The following PDS5B variants were observed in gnomAD, a reference collection of about 807,000 sequenced individuals.
PDS5B encodes PDS5 cohesin associated factor B.
PDS5B carries 51 observed loss-of-function variants against 184.1 expected under a neutral mutation model. That is an observed-to-expected ratio of 0.28 (90% CI 0.22 to 0.35). The LOEUF (loss-of-function observed/expected upper bound fraction) is 0.35. PDS5B is among the 10% of genes least tolerant of loss of function. The pLI is 1.00. For synonymous variants in PDS5B, 566 were observed against 569.2 expected, an observed-to-expected ratio of 0.99 and a Z score of 0.08; for missense variants, 1,180 against 1,723.3, an observed-to-expected ratio of 0.68 and a Z score of 5.58.
At position 32,746,064 on chromosome 13, in the gene PDS5B, A is replaced by T. The variant is rs1402030673; in HGVS notation, c.2700A>T (p.Thr900=). ...AACCCTGTTACCATGAAATCATCAC[A>T]TTAGAACAATATCAGCTATGTGCAT... ...AQEPCYHEII[T]LEQYQLCALA... The change falls in exon 24 of 35, where the codon ACA becomes ACT. Residue 900 remains threonine, a synonymous_variant. Coordinates refer to ENST00000315596, the MANE Select transcript of PDS5B (RefSeq NM_015032.4). 2 of 1,613,660 alleles carry T rather than the reference A, an allele frequency of 1.2e-6. No individual in the cohort carries two copies. The highest frequency in any genetic ancestry group is 1.7e-6 in the Non-Finnish European group (2 of 1,179,574).
At chr13:32,659,496 G>C (rs1008033786) in intron 6 of PDS5B, among the ~76,000 whole-genome samples, 6 of 152,118 alleles carry the variant, frequency 3.9e-5, no homozygotes. Context: ...TAACATATTT[G>C]TTATAATTCA....
intron 15 of PDS5B, among the ~76,000 whole-genome samples, chr13:32,699,269 A>G (rs1426588727): frequency 6.6e-6 from 1 of 152,172 alleles, no homozygotes; most frequent in African/African-American, 2.4e-5. Context: ...AGTATATATC[A>G]CTGCTAGATA....
chr13:32,738,245 T>C (rs1242538103), intron 21 of PDS5B, among the ~76,000 whole-genome samples: 1 of 152,234 alleles, frequency 6.6e-6, no homozygotes, highest in Non-Finnish European at 1.5e-5. Context: ...ACGAGTGAAG[T>C]TGATGAATCA....
chr13:32,609,730 C>G (rs537704123), intron 1 of PDS5B, among the ~76,000 whole-genome samples: 1 of 152,232 alleles, frequency 6.6e-6, no homozygotes, highest in Admixed American at 6.5e-5. Context: ...TCACTCTAGT[C>G]AGTTCTGTAA....
chr13:32,775,115 T>A lies in PDS5B; in HGVS notation c.*63T>A. ...GAAAAATCTTTTTTTTTTTTTTTGG[T>A]CAAGCTTGAGGCTGAATAAAGCCTT... is the stretch of plus-strand genomic sequence containing the variant. On this transcript the variant is annotated 3_prime_UTR_variant, in exon 35 of 35. Coordinates refer to ENST00000315596, the MANE Select transcript of PDS5B (RefSeq NM_015032.4). 1 of 1,443,958 alleles carries A rather than the reference T, an allele frequency of 6.9e-7. No homozygotes were observed. The highest frequency in any genetic ancestry group is 9.6e-7 in the Non-Finnish European group (1 of 1,045,148). The allele number at this position is 1,443,958 out of a possible 1,614,324, so 89.4% of individuals were successfully genotyped here.
At chr13:32,641,225 A>G (rs972972996) in intron 1 of PDS5B, among the ~76,000 whole-genome samples, 1 of 152,174 alleles carries the variant, frequency 6.6e-6, no homozygotes, top group Non-Finnish European at 1.5e-5. Context: ...GATGAAAGGA[A>G]CTATTATATG....
At chr13:32,655,374 A>ATATATATATATATATAT in intron 3 of PDS5B, among the ~76,000 whole-genome samples, 10 of 72,464 alleles carry the variant, frequency 1.4e-4, no homozygotes, top group African/African-American at 8.3e-4. Flanking sequence ...ATATATATAT[A>ATATATATATATATATAT]TTTTTTTTTT....
intron 11 of PDS5B, among the ~76,000 whole-genome samples, chr13:32,685,401 C>T (rs540920417): frequency 6.6e-6 from 1 of 152,184 alleles, no homozygotes; most frequent in Admixed American, 6.5e-5. Context: ...CTCAGCTAGA[C>T]TTAGAATTTG....
intron 10 of PDS5B, 73 bp from the exon 11 acceptor site, chr13:32,683,805 A>G: frequency 1.0e-6 from 1 of 976,814 alleles, no homozygotes; most frequent in Non-Finnish European, 1.6e-6. Context: ...GCTTATTTTC[A>G]AGGGTATCAT....
Position 32,760,730 on chromosome 13 carries a change from A to G in PDS5B, c.3518+10A>G, listed in dbSNP as rs760340104. The G allele has an allele frequency of 1.2e-6, 2 of 1,609,850 alleles. No individual in the cohort carries two copies. Among genetic ancestry groups the G allele is most frequent in the Non-Finnish European group, 1.7e-6 (2 of 1,178,146 alleles). On this transcript the variant is annotated intron_variant, in intron 30 of 34. Coordinates refer to ENST00000315596, the MANE Select transcript of PDS5B (RefSeq NM_015032.4). ...GAAGAATAAAGGGGAGGTAAGTGCA[A>G]AAGAAATGCCACAATTTACATTTAA...
rs2141038424 is a variant in PDS5B at position 32,770,470 on chromosome 13, A to G, written c.3974A>G (p.Glu1325Gly). 1.9e-6 allele frequency: 3 copies of G among 1,612,278 alleles called. No homozygotes were observed. In the East Asian group the frequency reaches 6.7e-5, roughly 36 times the overall value. ...AAAAAATCTGGACCTCCAGCACCAG[A>G]GGAGGAGGAAGAAGAAGAAAGACAA... is the stretch of plus-strand genomic sequence containing the variant. ...SKKKSGPPAP[E>G]EEEEEERQSG... The change falls in exon 32 of 35, where the codon GAG becomes GGG. Residue 1325 changes from glutamate to glycine, a missense_variant. By Grantham distance (98) the Glu-to-Gly change is moderately conservative (BLOSUM62 -2). Coordinates refer to ENST00000315596, the MANE Select transcript of PDS5B (RefSeq NM_015032.4).
chr13:32,663,625 G>A (rs993285969), intron 6 of PDS5B, among the ~76,000 whole-genome samples: 1 of 152,156 alleles, frequency 6.6e-6, no homozygotes, highest in Non-Finnish European at 1.5e-5. Context: ...AAATGTTGAA[G>A]CATTCTCTTT....
intron 17 of PDS5B, among the ~76,000 whole-genome samples, chr13:32,702,533 A>G (rs1419127631): frequency 3.9e-5 from 6 of 152,192 alleles, no homozygotes. Flanking sequence ...ATTGTAGTTC[A>G]GTAAGATTAT....
Position 32,687,157 on chromosome 13 carries a change from G to A in PDS5B, c.1227G>A (p.Met409Ile), listed in dbSNP as rs923273558. ...AGTGGAGAGTACGCAAAGAAGCCATGATGGGACTTGCCCAAATTTATAAGA... is the reference window on the plus strand; with the variant it reads ...AGTGGAGAGTACGCAAAGAAGCCATAATGGGACTTGCCCAAATTTATAAGA... ...DKRWRVRKEA[M>I]MGLAQIYKKY... is the part of the protein sequence containing the mutation. Residue 409 changes from methionine to isoleucine, a missense_variant, in exon 12 of 35, where the codon ATG becomes ATA. Physicochemically the swap from Met to Ile is conservative, Grantham distance 10. Transcript: ENST00000315596. The A allele has an allele frequency of 4.4e-6, 7 of 1,605,498 alleles. No individual in the cohort carries two copies. In the East Asian group the frequency reaches 6.7e-5, roughly 15 times the overall value.
chr13:32,713,170 C>T (rs1952262131), intron 19 of PDS5B, among the ~76,000 whole-genome samples: 1 of 152,226 alleles, frequency 6.6e-6, no homozygotes, highest in South Asian at 2.1e-4. Context: ...TTAGTCCTAA[C>T]TCTCATTCCT....
chr13:32,660,300 A>G (rs1950610517), intron 6 of PDS5B, among the ~76,000 whole-genome samples: 1 of 152,122 alleles, frequency 6.6e-6, no homozygotes, highest in Non-Finnish European at 1.5e-5. Flanking sequence ...TCTAGTTATA[A>G]TCCCCATTAA....
rs941815134 is a variant in PDS5B, at chr13:32,586,496, G to C, written c.-117G>C. The C allele has an allele frequency of 7.9e-6, 1 of 125,996 alleles. No homozygotes were observed. The highest frequency in any genetic ancestry group is 3.2e-5 in the African/African-American group (1 of 31,020). The allele number at this position is 125,996 out of a possible 1,614,324, so 7.8% of individuals were successfully genotyped here. On this transcript the variant is annotated 5_prime_UTR_variant, in exon 1 of 35. Coordinates refer to ENST00000315596, the MANE Select transcript of PDS5B (RefSeq NM_015032.4). Reference sequence around the variant, plus strand: ...GAGGAGGAACGGCAGGGCTGGCTGCGGAAGGGGAGGGGGGGGGAGAAGGCG... The same window carrying C: ...GAGGAGGAACGGCAGGGCTGGCTGCCGAAGGGGAGGGGGGGGGAGAAGGCG...
At chr13:32,695,844 G>T (rs1951686309) in intron 14 of PDS5B, among the ~76,000 whole-genome samples, 1 of 152,026 alleles carries the variant, frequency 6.6e-6, no homozygotes, top group Non-Finnish European at 1.5e-5. Flanking sequence ...AATTCAGCTA[G>T]AATGTTTTAG....
At chr13:32,763,550 C>G (rs983713331) in intron 30 of PDS5B, 5 of 151,950 alleles carry the variant, frequency 3.3e-5, no homozygotes, top group African/African-American at 1.2e-4. Context: ...CTTTCGACCA[C>G]CCTCAGATTT....
Sources: allele counts gnomAD v4.1 joint callset (sites outside exome capture counted in the v4.1 genomes callset), GRCh38; gene constraint gnomAD v4.1.1; transcripts MANE v1.5; gene names NCBI Gene and HGNC (gene_info 2026-07-23, HGNC 2026-07-21).